Variants in NT5C1A observed in about 807,000 individuals in gnomAD.
NT5C1A encodes 5'-nucleotidase, cytosolic IA.
Under a neutral mutation model 31.0 loss-of-function variants are expected in NT5C1A, and 18 were observed. That is an observed-to-expected ratio of 0.58 (90% confidence interval 0.40 to 0.86). NT5C1A has a LOEUF of 0.86. Ranked by LOEUF, NT5C1A falls within the 40% of genes least tolerant of loss-of-function variation. NT5C1A has a pLI of 0.00. For missense variants in NT5C1A, 470 were observed against 505.4 expected (o/e 0.93, Z 0.67); for synonymous variants, 185 against 203.6 (o/e 0.91, Z 0.78).
chr1:39,670,039 C>T (rs894606000), intron 1 of NT5C1A, among the ~76,000 whole-genome samples: 34 of 152,176 alleles, frequency 2.2e-4, no homozygotes, highest in African/African-American at 8.2e-4. Context: ...CCATATATCT[C>T]ATACCATATG....
intron 1 of NT5C1A, among the ~76,000 whole-genome samples, chr1:39,669,684 G>C (rs1017003971): frequency 5.3e-5 from 8 of 152,194 alleles, no homozygotes; most frequent in Non-Finnish European, 1.5e-5. Context: ...CCGGTTCCTT[G>C]GTGCCTGGGG....
chr1:39,667,549 T>C (rs1316499419), intron 1 of NT5C1A, among the ~76,000 whole-genome samples: 5 of 152,222 alleles, frequency 3.3e-5, no homozygotes, highest in Non-Finnish European at 7.3e-5. Context: ...CTTGCATTCT[T>C]GCCTCTCCTG....
At chr1:39,665,673 C>G in intron 2 of NT5C1A, 23 bp from the exon 3 acceptor site, 1 of 1,609,734 alleles carries the variant, frequency 6.2e-7, no homozygotes, top group South Asian at 1.1e-5. Flanking sequence ...GGGCACCCCC[C>G]AGCTTAGACC....
rs151092831 is a variant in NT5C1A at position 39,659,251 on chromosome 1, A to T, written c.977T>A (p.Phe326Tyr). ...CACATGGAACATCTGGTCATCAAAGAAGATGTGTGGGCGGATCTTCTCAAG... is the reference window on the plus strand; with the variant it reads ...CACATGGAACATCTGGTCATCAAAGTAGATGTGTGGGCGGATCTTCTCAAG... ...PLLEKIRPHI[F>Y]FDDQMFHVAG... The change falls in exon 6 of 6, where the codon TTC becomes TAC. Residue 326 changes from phenylalanine (F) to tyrosine (Y), a missense_variant. By Grantham distance (22) the Phe-to-Tyr change is conservative. Transcript: ENST00000235628. The T allele has an allele frequency of 3.7e-6, 6 of 1,614,034 alleles. No homozygotes were observed. The African/African-American group carries it at 8.0e-5, about 22-fold the overall frequency.
rs1646461311 is a variant in NT5C1A at position 39,656,846 on chromosome 1, G to A, written c.*2275C>T. ...TGATTCTGACCCCTGGGAGTGAGAA[G>A]GAGAGGGCCTTTCTGCAGTTCAGCC... On this transcript the variant is annotated 3_prime_UTR_variant, in exon 6 of 6. Coordinates refer to ENST00000235628, the MANE Select transcript of NT5C1A (RefSeq NM_032526.3). Among the ~76,000 whole-genome samples, 1 of 152,252 alleles carries A rather than the reference G, an allele frequency of 6.6e-6. No homozygotes were observed. Among genetic ancestry groups the A allele is most frequent in the African/African-American group, 2.4e-5 (1 of 41,470 alleles).
At chr1:39,668,137 C>T (rs1192179715) in intron 1 of NT5C1A, among the ~76,000 whole-genome samples, 1 of 152,202 alleles carries the variant, frequency 6.6e-6, no homozygotes, top group African/African-American at 2.4e-5. Context: ...TGTGTGTGTC[C>T]TAAGGGTGGG....
rs546067991 is a variant in NT5C1A, at chr1:39,659,054, C to T, written c.*67G>A. On this transcript the variant is annotated 3_prime_UTR_variant, in exon 6 of 6. Transcript: ENST00000235628. ...AACAGTGAGAAACTAGAGGGATCTACCAGAGGAGGTGTCGAAGTATGTCAG... is the reference window on the plus strand; with the variant it reads ...AACAGTGAGAAACTAGAGGGATCTATCAGAGGAGGTGTCGAAGTATGTCAG... 2 of 1,516,978 alleles carry T rather than the reference C, an allele frequency of 1.3e-6. No homozygotes were observed. The highest frequency in any genetic ancestry group is 8.8e-7 in the Non-Finnish European group (1 of 1,133,330). 94.0% of individuals were successfully genotyped at this position (1,516,978 alleles called of 1,614,324 possible).
chr1:39,660,861 A>G (rs777499661), intron 5 of NT5C1A, among the ~76,000 whole-genome samples: 20 of 152,016 alleles, frequency 1.3e-4, no homozygotes, highest in Non-Finnish European at 2.5e-4. Context: ...GGAGGCTTCA[A>G]AGGAGGGTTG....
Position 39,671,888 on chromosome 1 carries a change from C to T in NT5C1A, c.135+16G>A, listed in dbSNP as rs1429509667. On this transcript the variant is annotated intron_variant, in intron 1 of 5. Coordinates refer to ENST00000235628, the MANE Select transcript of NT5C1A (RefSeq NM_032526.3). ...ACCCTTCCCCCGTCCCCCGCATACCCGTGCATTGCTTTTACCGATTTGGGT... is the reference window on the plus strand; with the variant it reads ...ACCCTTCCCCCGTCCCCCGCATACCTGTGCATTGCTTTTACCGATTTGGGT... 1 of 1,612,862 alleles carries T rather than the reference C, an allele frequency of 6.2e-7. No homozygotes were observed. The highest frequency in any genetic ancestry group is 2.2e-5 in the East Asian group (1 of 44,766).
rs997486498 is a variant in NT5C1A, at chr1:39,657,858, C to A, written c.*1263G>T. ...TGGAGAATTTTGCTAGTGCACATTT[C>A]AGCTCCTTCCTCTCCAAGCATCACT... On this transcript the variant is annotated 3_prime_UTR_variant, in exon 6 of 6. Transcript: ENST00000235628. 2.6e-5 allele frequency among the ~76,000 whole-genome samples: 4 copies of A among 152,206 alleles called. No individual in the cohort carries two copies. The highest frequency in any genetic ancestry group is 4.4e-5 in the Non-Finnish European group (3 of 68,038).
intron 3 of NT5C1A, among the ~76,000 whole-genome samples, chr1:39,664,490 C>CCTGTCTCGTCTCGTCTCGTCTCGTCTCCT (rs138918376): frequency 3.4e-4 from 1 of 2,900 alleles, no homozygotes; most frequent in East Asian, 7.8e-3. Context: ...GTGGATTTCT[C>CCTGTCTCGTCTCGTCTCGTCTCGTCTCCT]CTCCTCTCCT....
rs770592467 is a variant in NT5C1A, at chr1:39,665,545, G to A, written c.409C>T (p.Leu137Phe). Residue 137 changes from leucine to phenylalanine, a missense_variant, in exon 3 of 6, where the codon CTC becomes TTC. By Grantham distance (22) the Leu-to-Phe change is conservative (BLOSUM62 0). Coordinates refer to ENST00000235628, the MANE Select transcript of NT5C1A (RefSeq NM_032526.3). ...TNNHAQVGVR[L>F]INSINHYDLF... ...CCATAGTGGTTGATACTGTTGATGA[G>A]GCGGACACCCACTTGAGCATGGTTG... 3 of 1,613,442 alleles carry A rather than the reference G, an allele frequency of 1.9e-6. No individual in the cohort carries two copies. In the Admixed American group the frequency reaches 5.0e-5, roughly 27 times the overall value.
rs1646448395 is a variant in NT5C1A, at chr1:39,654,164, C to T, written c.*4957G>A. On this transcript the variant is annotated 3_prime_UTR_variant, in exon 6 of 6. Transcript: ENST00000235628. ...AAATTTGCAGAGTCCTAGAATTCTC[C>T]TGATCCACAATTCCATTATGAGGGG... Among the ~76,000 whole-genome samples the T allele has an allele frequency of 6.6e-6, 1 of 152,176 alleles. No individual in the cohort carries two copies. The highest frequency in any genetic ancestry group is 1.5e-5 in the Non-Finnish European group (1 of 68,030).
In NT5C1A at chr1:39,665,568, T is replaced by C. The variant is rs1450607675; in HGVS notation, c.386A>G (p.Asn129Ser). The change falls in exon 3 of 6, where the codon AAC becomes AGC. Residue 129 changes from asparagine (N) to serine (S), a missense_variant. Coordinates refer to ENST00000235628, the MANE Select transcript of NT5C1A (RefSeq NM_032526.3). ...GAGGCGGACACCCACTTGAGCATGG[T>C]TGTTAGTCATGAGGACGATGTCGAA... is the stretch of plus-strand genomic sequence containing the variant. The part of the protein sequence containing the change: ...DVFDIVLMTN[N>S]HAQVGVRLIN... 2 of 1,613,484 alleles carry C rather than the reference T, an allele frequency of 1.2e-6. No homozygotes were observed. The highest frequency in any genetic ancestry group is 8.5e-7 in the Non-Finnish European group (1 of 1,179,940).
chr1:39,664,490 C>CCTGTCTCCTCTCCTCTCCTCTCCTCTCCT (rs138918376), intron 3 of NT5C1A, among the ~76,000 whole-genome samples: 19 of 2,900 alleles, frequency 6.6e-3, no homozygotes, highest in Admixed American at 0.022. Context: ...GTGGATTTCT[C>CCTGTCTCCTCTCCTCTCCTCTCCTCTCCT]CTCCTCTCCT....
Position 39,659,056 on chromosome 1 carries a change from AGAG to A in NT5C1A, c.*62_*64del, listed in dbSNP as rs143573320. The A allele has an allele frequency of 3.4e-3, 5,105 of 1,519,014 alleles. 168 individuals carry two copies. The African/African-American group carries it at 0.062, about 19-fold the overall frequency. The allele number at this position is 1,519,014 out of a possible 1,614,324, so 94.1% of individuals were successfully genotyped here. On this transcript the variant is annotated 3_prime_UTR_variant, in exon 6 of 6. Transcript: ENST00000235628. The stretch of plus-strand genomic sequence containing the variant: ...CAGTGAGAAACTAGAGGGATCTACC[AGAG>A]GAGGTGTCGAAGTATGTCAGGGAGC...
At chr1:39,665,467 G>T (rs1370804697) in intron 3 of NT5C1A, 54 bp downstream of exon 3, 2 of 1,542,810 alleles carry the variant, frequency 1.3e-6, no homozygotes, top group African/African-American at 2.7e-5. Context: ...CATCCCTGGG[G>T]GGTCTGGTAG....
intron 2 of NT5C1A, 71 bp downstream of exon 2, chr1:39,665,998 A>G: frequency 7.0e-7 from 1 of 1,432,102 alleles, no homozygotes; most frequent in Admixed American, 1.8e-5. Flanking sequence ...TTACTCAAAT[A>G]CTCATGGGAG....
At chr1:39,664,836 A>G (rs1282834314) in intron 3 of NT5C1A, among the ~76,000 whole-genome samples, 1 of 151,708 alleles carries the variant, frequency 6.6e-6, no homozygotes, top group African/African-American at 2.4e-5. Flanking sequence ...GAGAAATCCA[A>G]TTTCAGGGGA....
Sources: gnomAD v4.1 joint callset for allele counts (sites outside exome capture counted in the v4.1 genomes callset) on GRCh38, gnomAD v4.1.1 for gene constraint, MANE v1.5 for transcripts, NCBI Gene and HGNC (gene_info 2026-07-23, HGNC 2026-07-21) for gene names.